Variants in TNFSF4 observed in about 807,000 individuals in gnomAD.
TNFSF4 encodes the protein tumor necrosis factor ligand superfamily member 4.
TNFSF4 carries 4 observed loss-of-function variants against 7.3 expected under a neutral mutation model. That is an observed-to-expected ratio of 0.55 (90% CI 0.27 to 1.25). The LOEUF is 1.25. Among genes scored for constraint, TNFSF4 ranks in the 50% most tolerant of loss-of-function variants. The probability of loss-of-function intolerance (pLI) is 0.12; values close to 1 mark genes in which losing one functional copy is unlikely to be tolerated. For missense variants in TNFSF4, 181 were observed against 208.8 expected (o/e 0.87, Z 0.82); for synonymous variants, 76 against 83.7 (o/e 0.91, Z 0.50).
the TNFSF4 span, among the ~76,000 whole-genome samples, chr1:173,394,919 GAGAT>G: frequency 1.0e-3 from 155 of 150,122 alleles, 2 homozygotes; most frequent in Middle Eastern, 0.01. Flanking sequence ...TAGATAGATA[GAGAT>G]AGATAGATAG....
the TNFSF4 span, among the ~76,000 whole-genome samples, chr1:173,250,128 C>A: frequency 4.6e-5 from 7 of 152,140 alleles, no homozygotes; most frequent in African/African-American, 1.7e-4. Flanking sequence ...AGAAGCCATT[C>A]GATAGCTAAC....
chr1:173,363,689 T>A, the TNFSF4 span: 6 of 285,644 alleles, frequency 2.1e-5, no homozygotes, highest in Middle Eastern at 8.2e-4. Context: ...GCCCTGATGG[T>A]TCAGTTAAGA....
At chr1:173,340,137 C>A in the TNFSF4 span, among the ~76,000 whole-genome samples, 1 of 152,108 alleles carries the variant, frequency 6.6e-6, no homozygotes, top group African/African-American at 2.4e-5. Context: ...TGAACTGAGA[C>A]ATCAGTTTTT....
the TNFSF4 span, among the ~76,000 whole-genome samples, chr1:173,224,270 G>A: frequency 1.3e-5 from 2 of 152,130 alleles, no homozygotes; most frequent in African/African-American, 4.8e-5. Flanking sequence ...AGAAATAAAC[G>A]AGTGTGGGTA....
At chr1:173,348,251 C>T in the TNFSF4 span, among the ~76,000 whole-genome samples, 2 of 152,130 alleles carry the variant, frequency 1.3e-5, no homozygotes, top group Non-Finnish European at 2.9e-5. Flanking sequence ...ATACTGTTCT[C>T]GTGGTAGTGA....
chr1:173,282,747 A>G, the TNFSF4 span, among the ~76,000 whole-genome samples: 6 of 152,174 alleles, frequency 3.9e-5, no homozygotes, highest in Non-Finnish European at 7.3e-5. Flanking sequence ...GTGAGCTACC[A>G]CACTGGGCCT....
At chr1:173,214,928 C>T in the TNFSF4 span, among the ~76,000 whole-genome samples, 8 of 152,156 alleles carry the variant, frequency 5.3e-5, no homozygotes, top group South Asian at 8.3e-4. Context: ...GGTTTGCCTG[C>T]TTGTTTAACT....
At chr1:173,316,611 A>G in the TNFSF4 span, among the ~76,000 whole-genome samples, 2 of 152,110 alleles carry the variant, frequency 1.3e-5, no homozygotes, top group African/African-American at 4.8e-5. Flanking sequence ...TGTTTCTCAA[A>G]CCATCTGTGG....
the TNFSF4 span, among the ~76,000 whole-genome samples, chr1:173,413,706 T>G: frequency 6.6e-6 from 1 of 152,200 alleles, no homozygotes; most frequent in Non-Finnish European, 1.5e-5. Context: ...TTGGCCCTTT[T>G]GCCAGCTGGC....
At chr1:173,432,720 C>T in the TNFSF4 span, among the ~76,000 whole-genome samples, 2 of 151,000 alleles carry the variant, frequency 1.3e-5, no homozygotes, top group Non-Finnish European at 2.9e-5. Context: ...GAATACAGAA[C>T]TCTCCTGAAA....
At chr1:173,328,665 C>G in the TNFSF4 span, among the ~76,000 whole-genome samples, 2 of 151,326 alleles carry the variant, frequency 1.3e-5, no homozygotes, top group African/African-American at 4.9e-5. Flanking sequence ...ACATGCATCC[C>G]AGAACTTAAA....
At chr1:173,211,554 A>C (rs1195258415), upstream of TNFSF4, among the ~76,000 whole-genome samples, 3 of 152,164 alleles carry the variant, frequency 2.0e-5, no homozygotes, top group African/African-American at 7.2e-5. Flanking sequence ...TTCCTCCTGC[A>C]GGAGTTCCAA....
chr1:173,272,099 A>G, the TNFSF4 span, among the ~76,000 whole-genome samples: 1 of 152,178 alleles, frequency 6.6e-6, no homozygotes, highest in Non-Finnish European at 1.5e-5. Flanking sequence ...TCACAAGGAC[A>G]GAAAACCAAA....
the TNFSF4 span, among the ~76,000 whole-genome samples, chr1:173,340,702 C>G: frequency 6.6e-6 from 1 of 152,112 alleles, no homozygotes; most frequent in Non-Finnish European, 1.5e-5. Context: ...TCTCCCCAGC[C>G]ATGGCCTGAG....
the TNFSF4 span, among the ~76,000 whole-genome samples, chr1:173,411,502 G>A: frequency 6.6e-6 from 1 of 152,280 alleles, no homozygotes; most frequent in South Asian, 2.1e-4. Flanking sequence ...TAAAATATTT[G>A]ATCAAGAAAT....
the TNFSF4 span, among the ~76,000 whole-genome samples, chr1:173,419,809 G>T: frequency 6.6e-6 from 1 of 152,094 alleles, no homozygotes; most frequent in African/African-American, 2.4e-5. Flanking sequence ...GGTTTTTTAA[G>T]ATTTTTTAAA....
the TNFSF4 span, among the ~76,000 whole-genome samples, chr1:173,249,956 C>A: frequency 1.3e-5 from 2 of 152,110 alleles, no homozygotes; most frequent in Non-Finnish European, 2.9e-5. Flanking sequence ...CTATTTCCCC[C>A]CATGGCACAT....
chr1:173,223,408 A>G, the TNFSF4 span, among the ~76,000 whole-genome samples: 1 of 151,982 alleles, frequency 6.6e-6, no homozygotes, highest in Non-Finnish European at 1.5e-5. Flanking sequence ...GCTTACCACC[A>G]CTCTAGAAAA....
chr1:173,401,838 G>C, the TNFSF4 span, among the ~76,000 whole-genome samples: 7 of 152,108 alleles, frequency 4.6e-5, no homozygotes, highest in Non-Finnish European at 8.8e-5. Flanking sequence ...ATTTGGGAAA[G>C]GCTTGTCATT....
Sources: allele counts gnomAD v4.1 joint callset (sites outside exome capture counted in the v4.1 genomes callset), GRCh38; gene constraint gnomAD v4.1.1; transcripts MANE v1.5; gene names NCBI Gene and HGNC (gene_info 2026-07-23, HGNC 2026-07-21).